The following SGCZ variants were observed in gnomAD, a reference collection of about 807,000 sequenced individuals.
SGCZ encodes sarcoglycan zeta.
Under a neutral mutation model 41.3 loss-of-function variants are expected in SGCZ, and 40 were observed. The observed-to-expected ratio is 0.97, with a 90% CI of 0.75 to 1.26. SGCZ has a LOEUF of 1.26. Ranked by LOEUF, SGCZ falls within the 50% of genes most tolerant of loss-of-function variation. SGCZ has a pLI of 0.00. For synonymous variants in SGCZ, 206 were observed against 137.5 expected (o/e 1.50, Z -3.49); for missense variants, 552 against 369.8 (o/e 1.49, Z -4.04).
intron 3 of SGCZ, among the ~76,000 whole-genome samples, chr8:14,292,233 G>A (rs182426601): frequency 2.6e-5 from 4 of 152,064 alleles, no homozygotes; most frequent in East Asian, 1.9e-4. Context: ...ACAAGAAAAT[G>A]AACAAACAAT....
chr8:14,700,198 A>C (rs1375367592), intron 1 of SGCZ, among the ~76,000 whole-genome samples: 1 of 151,992 alleles, frequency 6.6e-6, no homozygotes, highest in African/African-American at 2.4e-5. Context: ...AAGACATGAA[A>C]TCAACCTGGA....
At chr8:14,781,591 ATTGT>A (rs1465794748) in intron 1 of SGCZ, among the ~76,000 whole-genome samples, 5 of 152,148 alleles carry the variant, frequency 3.3e-5, no homozygotes, top group East Asian at 3.9e-4. Context: ...ATTATTAAAA[ATTGT>A]TTGGGTTATT....
intron 2 of SGCZ, among the ~76,000 whole-genome samples, chr8:14,326,111 CAA>C (rs56152915): frequency 5.3e-5 from 2 of 37,904 alleles, no homozygotes; most frequent in Admixed American, 5.6e-4. Context: ...GACTCCGTCT[CAA>C]AAAAAAAAAA....
At chr8:14,660,571 C>CAAAAAAAAAA (rs71304960) in intron 1 of SGCZ, among the ~76,000 whole-genome samples, 1 of 67,292 alleles carries the variant, frequency 1.5e-5, no homozygotes, top group African/African-American at 4.8e-5. Flanking sequence ...AACTCCATCT[C>CAAAAAAAAAA]AAAAAAAAAA....
At chr8:15,083,343 A>G (rs1028859436) in intron 1 of SGCZ, among the ~76,000 whole-genome samples, 2 of 152,220 alleles carry the variant, frequency 1.3e-5, no homozygotes, top group Non-Finnish European at 2.9e-5. Context: ...GAATAACGGT[A>G]TCACCGATTT....
intron 1 of SGCZ, among the ~76,000 whole-genome samples, chr8:14,575,129 C>T (rs780464051): frequency 6.6e-6 from 1 of 152,046 alleles, no homozygotes; most frequent in Non-Finnish European, 1.5e-5. Context: ...AATTTGTGTT[C>T]ATTAGTGAAG....
At chr8:14,482,867 T>G (rs1484252849) in intron 2 of SGCZ, among the ~76,000 whole-genome samples, 3 of 152,000 alleles carry the variant, frequency 2.0e-5, no homozygotes, top group African/African-American at 7.2e-5. Context: ...CCTTCAGACT[T>G]AGGCTGGAAT....
rs1024430750 is a variant in SGCZ, at chr8:15,172,320, C to T, written c.39+65265G>A. ...GGGACTACAGGCGCGCGCCACCATGCCCGGCTAATTTTTGTATTTTTAGTA... is the reference window on the plus strand; with the variant it reads ...GGGACTACAGGCGCGCGCCACCATGTCCGGCTAATTTTTGTATTTTTAGTA... On this transcript the variant is annotated intron_variant, in intron 1 of 7. Coordinates refer to ENST00000382080, the MANE Select transcript of SGCZ (RefSeq NM_139167.4). 8.0e-5 allele frequency among the ~76,000 whole-genome samples: 12 copies of T among 150,894 alleles called. No individual in the cohort carries two copies. In the South Asian group the frequency reaches 2.5e-3, roughly 32 times the overall value.
intron 3 of SGCZ, among the ~76,000 whole-genome samples, chr8:14,253,108 G>A (rs942988606): frequency 3.9e-5 from 6 of 152,066 alleles, no homozygotes; most frequent in East Asian, 1.9e-4. Flanking sequence ...GGGTTGAGAA[G>A]AAGTAAATAT....
At chr8:14,477,669 C>T (rs189438153) in intron 2 of SGCZ, among the ~76,000 whole-genome samples, 405 of 152,282 alleles carry the variant, frequency 2.7e-3, no homozygotes, top group African/African-American at 9.1e-3. Flanking sequence ...TTAGGTCTAA[C>T]TTTCTAAACA....
chr8:15,233,992 G>A (rs1802044694), intron 1 of SGCZ, among the ~76,000 whole-genome samples: 1 of 152,056 alleles, frequency 6.6e-6, no homozygotes, highest in African/African-American at 2.4e-5. Flanking sequence ...TGACTTAATT[G>A]CCAAATTAAT....
intron 1 of SGCZ, among the ~76,000 whole-genome samples, chr8:14,711,192 A>G (rs993074450): frequency 2.6e-5 from 4 of 152,208 alleles, no homozygotes; most frequent in African/African-American, 9.7e-5. Context: ...TTAAAACATT[A>G]AAAATTATGT....
At chr8:14,156,209 C>T (rs1046019260) in intron 5 of SGCZ, among the ~76,000 whole-genome samples, 7 of 152,226 alleles carry the variant, frequency 4.6e-5, no homozygotes, top group African/African-American at 1.7e-4. Flanking sequence ...GTGTCTGATG[C>T]CTGTAATCCT....
At chr8:14,190,814 G>C (rs1397012815) in intron 4 of SGCZ, among the ~76,000 whole-genome samples, 1 of 151,924 alleles carries the variant, frequency 6.6e-6, no homozygotes, top group Non-Finnish European at 1.5e-5. Flanking sequence ...GTGTTAGCCA[G>C]GATGGTCTCA....
chr8:14,464,181 G>C (rs1800981619), intron 2 of SGCZ, among the ~76,000 whole-genome samples: 1 of 151,588 alleles, frequency 6.6e-6, no homozygotes, highest in African/African-American at 2.4e-5. Flanking sequence ...TAAAGTTTGA[G>C]AAGAATTGAT....
At chr8:14,567,116 C>T (rs1339739003) in intron 1 of SGCZ, among the ~76,000 whole-genome samples, 1 of 152,208 alleles carries the variant, frequency 6.6e-6, no homozygotes, top group Non-Finnish European at 1.5e-5. Context: ...CATGCCTGAG[C>T]CTCCCTCTTC....
chr8:14,864,758 C>T (rs1289256433), intron 1 of SGCZ, among the ~76,000 whole-genome samples: 1 of 152,094 alleles, frequency 6.6e-6, no homozygotes, highest in Non-Finnish European at 1.5e-5. Flanking sequence ...ACACATTTTT[C>T]ATAACCGGTA....
intron 1 of SGCZ, among the ~76,000 whole-genome samples, chr8:15,204,775 C>T (rs1288995223): frequency 2.0e-5 from 3 of 152,146 alleles, no homozygotes. Context: ...GCCCACATAA[C>T]ATCTACTATA....
intron 1 of SGCZ, among the ~76,000 whole-genome samples, chr8:15,231,295 T>C (rs1801930505): frequency 6.6e-6 from 1 of 152,230 alleles, no homozygotes; most frequent in Non-Finnish European, 1.5e-5. Context: ...ATAACCTATT[T>C]AATACCAGCA....
Sources: allele counts gnomAD v4.1 joint callset (sites outside exome capture counted in the v4.1 genomes callset), GRCh38; gene constraint gnomAD v4.1.1; transcripts MANE v1.5; gene names NCBI Gene and HGNC (gene_info 2026-07-23, HGNC 2026-07-21).